Variants in ARMH3 observed in about 807,000 individuals in gnomAD.
ARMH3 encodes the protein armadillo like helical domain containing 3.
In ARMH3, 60 loss-of-function variants were observed where a neutral mutation model predicts 99.1. That is an observed-to-expected ratio of 0.61 (90% confidence interval 0.49 to 0.75). ARMH3 has a LOEUF of 0.75. Ranked by LOEUF, ARMH3 falls within the 30% of genes least tolerant of loss-of-function variation. The pLI is 0.00. For synonymous variants in ARMH3, 285 were observed against 292.8 expected, an observed-to-expected ratio of 0.97 and a Z score of 0.27; for missense variants, 679 against 843.1, an observed-to-expected ratio of 0.81 and a Z score of 2.41.
intron 25 of ARMH3, among the ~76,000 whole-genome samples, chr10:101,848,257 G>A (rs1013954587): frequency 2.0e-5 from 3 of 152,144 alleles, no homozygotes; most frequent in African/African-American, 7.2e-5. Flanking sequence ...CTGCCCACTC[G>A]AGAGGAAAGT....
intron 24 of ARMH3, among the ~76,000 whole-genome samples, chr10:101,876,119 C>T (rs1033716053): frequency 5.9e-5 from 9 of 151,790 alleles, no homozygotes; most frequent in African/African-American, 2.2e-4. Context: ...CATGGTGGCA[C>T]GCGCCTGTAG....
chr10:102,041,708 T>C (rs2067430665), intron 1 of ARMH3, among the ~76,000 whole-genome samples: 1 of 151,952 alleles, frequency 6.6e-6, no homozygotes, highest in Non-Finnish European at 1.5e-5. Flanking sequence ...TGGAGTACAA[T>C]GGCGTGATCT....
chr10:101,942,024 A>T (rs1391079805), intron 22 of ARMH3, among the ~76,000 whole-genome samples: 1 of 152,174 alleles, frequency 6.6e-6, no homozygotes, highest in Non-Finnish European at 1.5e-5. Flanking sequence ...CTTCTCTGTA[A>T]TATCCTGTCA....
chr10:102,049,780 C>T (rs1306942314), intron 1 of ARMH3, among the ~76,000 whole-genome samples: 1 of 151,838 alleles, frequency 6.6e-6, no homozygotes, highest in Non-Finnish European at 1.5e-5. Flanking sequence ...TGGTCTCAAA[C>T]TCCTGGGCTC....
chr10:102,024,052 T>C (rs1486446666), intron 6 of ARMH3, among the ~76,000 whole-genome samples: 1 of 152,210 alleles, frequency 6.6e-6, no homozygotes, highest in Non-Finnish European at 1.5e-5. Context: ...AGGAGGTTTA[T>C]GAATGCAGAA....
chr10:102,052,860 G>A (rs1234058762), intron 1 of ARMH3, among the ~76,000 whole-genome samples: 3 of 151,878 alleles, frequency 2.0e-5, no homozygotes, highest in Admixed American at 6.6e-5. Flanking sequence ...GGTCTCCATC[G>A]GTACATCCTA....
At chr10:101,903,340 C>G (rs1389593943) in intron 23 of ARMH3, among the ~76,000 whole-genome samples, 2 of 152,100 alleles carry the variant, frequency 1.3e-5, no homozygotes, top group African/African-American at 4.8e-5. Context: ...GCAGGCACTA[C>G]GCTAGGCAAT....
At chr10:101,855,729 T>C (rs1179575559) in intron 24 of ARMH3, among the ~76,000 whole-genome samples, 1 of 146,850 alleles carries the variant, frequency 6.8e-6, no homozygotes, top group Non-Finnish European at 1.5e-5. Flanking sequence ...TATATTTATA[T>C]AAAATACATT....
chr10:102,024,630 G>A (rs2066959435), intron 6 of ARMH3, among the ~76,000 whole-genome samples: 1 of 150,194 alleles, frequency 6.7e-6, no homozygotes, highest in Admixed American at 6.7e-5. Context: ...GGCCAACATG[G>A]CGAAACCCCA....
At chr10:101,868,160 A>G (rs2067048550) in intron 24 of ARMH3, among the ~76,000 whole-genome samples, 1 of 152,182 alleles carries the variant, frequency 6.6e-6, no homozygotes, top group Non-Finnish European at 1.5e-5. Flanking sequence ...CAGAGCTAAC[A>G]GACACAACAT....
chr10:101,946,156 C>CA (rs993735210), intron 22 of ARMH3, among the ~76,000 whole-genome samples: 98 of 108,452 alleles, frequency 9.0e-4, no homozygotes, highest in African/African-American at 3.3e-3. Flanking sequence ...TATAATAAAA[C>CA]AAAAAAAGTG....
chr10:101,849,810 T>C lies in ARMH3; in HGVS notation c.1943A>G (p.Glu648Gly). ...GAAGAAGGCAGCTTCCTTGTGCTGC[T>C]CTGAGTAGCGCTCATACTGGTCCAG... is the stretch of plus-strand genomic sequence containing the variant. ...DGLDQYERYS[E>G]QHKEAAFFKE... is the part of the protein sequence containing the mutation. The change falls in exon 25 of 26, where the codon GAG (glutamate) becomes GGG (glycine). Residue 648 changes from glutamate to glycine, a missense_variant. Physicochemically the swap from Glu to Gly is moderately conservative, Grantham distance 98 (BLOSUM62 -2). Transcript: ENST00000370033. 1 of 1,614,190 alleles carries C rather than the reference T, an allele frequency of 6.2e-7. No individual in the cohort carries two copies. The highest frequency in any genetic ancestry group is 8.5e-7 in the Non-Finnish European group (1 of 1,180,014).
intron 23 of ARMH3, among the ~76,000 whole-genome samples, chr10:101,913,869 A>G (rs1051547790): frequency 5.9e-5 from 9 of 152,206 alleles, no homozygotes; most frequent in Admixed American, 5.2e-4. Context: ...GAGCTTTTCA[A>G]AAGAGCTATA....
At chr10:101,879,042 C>G (rs1186139265) in intron 24 of ARMH3, among the ~76,000 whole-genome samples, 2 of 152,130 alleles carry the variant, frequency 1.3e-5, no homozygotes, top group African/African-American at 2.4e-5. Context: ...GTTTTTTGTC[C>G]TCAACTGAAT....
chr10:101,932,768 T>C (rs1480255430), intron 23 of ARMH3, among the ~76,000 whole-genome samples: 1 of 152,128 alleles, frequency 6.6e-6, no homozygotes, highest in East Asian at 1.9e-4. Context: ...AAAGAGGGAA[T>C]AGGGAGTTTG....
At position 102,041,075 on chromosome 10, in the gene ARMH3, CATATATATATATATAATATATAT is replaced by C. The variant is rs199540605; in HGVS notation, c.-11-973_-11-951del. Reference sequence around the variant, plus strand: ...CTACTTTCAAATTTAATTGTGTGTACATATATATATATATAATATATATATATATATATATATGTAGGTAAAAC... The same window carrying C: ...CTACTTTCAAATTTAATTGTGTGTACATATATATATATATGTAGGTAAAAC... On this transcript the variant is annotated intron_variant, in intron 1 of 25. Coordinates refer to ENST00000370033, the MANE Select transcript of ARMH3 (RefSeq NM_024541.3). 2.0e-4 allele frequency among the ~76,000 whole-genome samples: 26 copies of C among 132,006 alleles called. No individual in the cohort carries two copies. In the South Asian group the frequency reaches 4.5e-3, roughly 23 times the overall value. The allele number at this position is 132,006 out of a possible 152,430, so 86.6% of individuals were successfully genotyped here. A position where few individuals can be genotyped will look rare whatever the true frequency, so the allele number is the denominator to read the frequency against.
At chr10:101,873,307 G>A (rs1393005107) in intron 24 of ARMH3, among the ~76,000 whole-genome samples, 2 of 151,700 alleles carry the variant, frequency 1.3e-5, no homozygotes, top group African/African-American at 4.8e-5. Flanking sequence ...AACTGCTCAG[G>A]AGGCTGAGGC....
chr10:101,862,469 G>A (rs2066896559), intron 24 of ARMH3, among the ~76,000 whole-genome samples: 1 of 151,856 alleles, frequency 6.6e-6, no homozygotes, highest in East Asian at 1.9e-4. Flanking sequence ...CCCAGCTACT[G>A]GGGAGACTGA....
At chr10:101,998,170 C>T (rs1847146532) in intron 15 of ARMH3, among the ~76,000 whole-genome samples, 1 of 152,172 alleles carries the variant, frequency 6.6e-6, no homozygotes, top group African/African-American at 2.4e-5. Flanking sequence ...GTTCCAAGGG[C>T]CTCAGTTCAC....
Sources: allele counts gnomAD v4.1 joint callset (sites outside exome capture counted in the v4.1 genomes callset), GRCh38; gene constraint gnomAD v4.1.1; transcripts MANE v1.5; gene names NCBI Gene and HGNC (gene_info 2026-07-23, HGNC 2026-07-21).